The following COL4A6 variants were observed in gnomAD, a reference collection of about 807,000 sequenced individuals.
COL4A6 encodes collagen alpha-6(IV) chain.
COL4A6 carries 59 observed loss-of-function variants against 126.7 expected under a neutral mutation model. The observed-to-expected ratio is 0.47, with a 90% CI of 0.38 to 0.58. The LOEUF (loss-of-function observed/expected upper bound fraction) is 0.58, where lower values mean the gene tolerates loss of function less well. COL4A6 is among the 20% of genes least tolerant of loss of function. The pLI is 0.00. For missense variants in COL4A6, 1,285 were observed against 1,337.3 expected (o/e 0.96, Z 0.61); for synonymous variants, 547 against 496.6 (o/e 1.10, Z -1.35).
At chrX:108,176,771 G>A (rs2034503949) in intron 28 of COL4A6, 70 bp downstream of exon 28, 4 of 1,056,275 alleles carry the variant, frequency 3.8e-6, no homozygotes, top group Non-Finnish European at 5.1e-6. Flanking sequence ...CAGAGAGGAA[G>A]GAGCAAGCTG....
intron 41 of COL4A6, among the ~76,000 whole-genome samples, chrX:108,162,601 T>C (rs1283361191): frequency 9.0e-6 from 1 of 111,052 alleles, no homozygotes; most frequent in Non-Finnish European, 1.9e-5. Flanking sequence ...TGTGGCCCTT[T>C]ATTCACCACC....
intron 2 of COL4A6, among the ~76,000 whole-genome samples, chrX:108,325,722 C>T (rs2039140044): frequency 9.1e-6 from 1 of 109,971 alleles, no homozygotes; most frequent in African/African-American, 3.3e-5. Context: ...TACATTATGA[C>T]CAAGTTCAGT....
intron 3 of COL4A6, among the ~76,000 whole-genome samples, chrX:108,300,321 G>T (rs1481549458): frequency 6.4e-5 from 7 of 108,763 alleles, no homozygotes; most frequent in African/African-American, 2.4e-4. Flanking sequence ...GTGAAGACTA[G>T]GTCACATCAT....
At chrX:108,288,154 A>G (rs188842644) in intron 3 of COL4A6, among the ~76,000 whole-genome samples, 156 of 112,240 alleles carry the variant, frequency 1.4e-3, no homozygotes, top group Non-Finnish European at 2.7e-3. Flanking sequence ...GTAGCCAAAT[A>G]TAATCTTAAC....
intron 2 of COL4A6, among the ~76,000 whole-genome samples, chrX:108,321,000 A>G (rs2039013439): frequency 8.9e-6 from 1 of 112,032 alleles, no homozygotes; most frequent in African/African-American, 3.2e-5. Context: ...AAGACAAATC[A>G]ATGGAAATCC....
At chrX:108,401,523 A>C (rs937407338) in intron 2 of COL4A6, among the ~76,000 whole-genome samples, 3 of 110,821 alleles carry the variant, frequency 2.7e-5, no homozygotes, top group Non-Finnish European at 5.7e-5. Flanking sequence ...TACAATACAA[A>C]TATATACACA....
intron 2 of COL4A6, among the ~76,000 whole-genome samples, chrX:108,338,639 C>T (rs1335468264): frequency 2.7e-5 from 3 of 111,640 alleles, no homozygotes; most frequent in African/African-American, 9.7e-5. Context: ...ATGGTTTGTT[C>T]GCCCCTTTGG....
intron 2 of COL4A6, among the ~76,000 whole-genome samples, chrX:108,401,453 A>G (rs2041085979): frequency 9.0e-6 from 1 of 110,756 alleles, no homozygotes; most frequent in Admixed American, 9.6e-5. Flanking sequence ...TATATTCATG[A>G]TACTGATAAA....
chrX:108,213,455 A>G (rs933719702), intron 6 of COL4A6, among the ~76,000 whole-genome samples: 8 of 112,267 alleles, frequency 7.1e-5, no homozygotes, highest in African/African-American at 2.6e-4. Context: ...ACTGGAATCC[A>G]ATAAATACCT....
chrX:108,194,659 C>A, intron 15 of COL4A6, 72 bp from the exon 16 acceptor site: 1 of 1,023,252 alleles, frequency 9.8e-7, no homozygotes, highest in Non-Finnish European at 1.4e-6. Flanking sequence ...TTGGATTAAG[C>A]CAGGGCAAAT....
chrX:108,239,846 C>A (rs1049485285), intron 3 of COL4A6, among the ~76,000 whole-genome samples: 2 of 112,196 alleles, frequency 1.8e-5, no homozygotes, highest in Non-Finnish European at 3.8e-5. Context: ...GTTCTTTATT[C>A]AAAAATCAAT....
intron 2 of COL4A6, among the ~76,000 whole-genome samples, chrX:108,387,505 G>T (rs2040728707): frequency 9.0e-6 from 1 of 111,298 alleles, no homozygotes; most frequent in Non-Finnish European, 1.9e-5. Context: ...CTCATGATTT[G>T]GCTCTCTGTT....
intron 13 of COL4A6, among the ~76,000 whole-genome samples, chrX:108,201,630 C>A (rs1311756396): frequency 8.9e-6 from 1 of 111,883 alleles, no homozygotes; most frequent in Non-Finnish European, 1.9e-5. Context: ...GATGGGTACA[C>A]GAGGAATCAT....
chrX:108,370,110 C>G (rs2040291193), intron 2 of COL4A6, among the ~76,000 whole-genome samples: 1 of 112,248 alleles, frequency 8.9e-6, no homozygotes, highest in Non-Finnish European at 1.9e-5. Context: ...ACAAAGCAGC[C>G]ATGTTTCAGG....
chrX:108,198,670 A>G (rs758838094), intron 13 of COL4A6, among the ~76,000 whole-genome samples: 54 of 109,279 alleles, frequency 4.9e-4, no homozygotes, highest in Non-Finnish European at 9.5e-4. Context: ...CTGCTCCCAC[A>G]CTCCTACTTA....
At chrX:108,438,887 G>A (rs1420674550), upstream of COL4A6, among the ~76,000 whole-genome samples, 6 of 112,348 alleles carry the variant, frequency 5.3e-5, no homozygotes, top group Admixed American at 5.6e-4. Flanking sequence ...GTTAATTCTA[G>A]GAAGATAGAA....
intron 2 of COL4A6, among the ~76,000 whole-genome samples, chrX:108,415,460 C>T (rs778674306): frequency 8.9e-6 from 1 of 112,126 alleles, no homozygotes; most frequent in Non-Finnish European, 1.9e-5. Flanking sequence ...CAACTTGTGG[C>T]TTTGTAAATG....
intron 43 of COL4A6, 59 bp from the exon 44 acceptor site, chrX:108,159,807 A>T (rs1381508539): frequency 1.8e-5 from 21 of 1,171,920 alleles, no homozygotes; most frequent in African/African-American, 1.1e-4. Flanking sequence ...CTTTGACGAG[A>T]TGGTGGTTTG....
chrX:108,204,512 C>G (rs1467423464), intron 11 of COL4A6, 100 bp from the exon 12 acceptor site: 2 of 755,993 alleles, frequency 2.6e-6, no homozygotes, highest in Non-Finnish European at 4.1e-6. Flanking sequence ...AATAAACTGT[C>G]TCTTACTTTG....
Sources: allele counts gnomAD v4.1 joint callset (sites outside exome capture counted in the v4.1 genomes callset), GRCh38; gene constraint gnomAD v4.1.1; transcripts MANE v1.5; gene names NCBI Gene and HGNC (gene_info 2026-07-23, HGNC 2026-07-21).